Variants in BTG2 observed in about 807,000 individuals in gnomAD.
BTG2 encodes the protein BTG anti-proliferation factor 2.
A neutral mutation model predicts 13.1 loss-of-function variants in BTG2; 9 were observed. The observed-to-expected ratio is 0.69, with a 90% CI of 0.41 to 1.20. The LOEUF (loss-of-function observed/expected upper bound fraction) is 1.20, where lower values mean the gene tolerates loss of function less well. BTG2 is among the 50% of genes most tolerant of loss of function. The pLI, the probability that BTG2 is intolerant of heterozygous loss-of-function variation, is 0.00. For synonymous variants in BTG2, 92 were observed against 88.6 expected (o/e 1.04, Z -0.21); for missense variants, 200 against 209.5 (o/e 0.95, Z 0.28).
chr1:203,306,497 T>C (rs1405925503), intron 1 of BTG2, among the ~76,000 whole-genome samples: 1 of 152,138 alleles, frequency 6.6e-6, no homozygotes, highest in African/African-American at 2.4e-5. Context: ...CCCTGCCTTC[T>C]GAGGAAAACA....
intron 1 of BTG2, among the ~76,000 whole-genome samples, chr1:203,306,252 T>G (rs1411102912): frequency 6.6e-6 from 1 of 152,226 alleles, no homozygotes; most frequent in African/African-American, 2.4e-5. Flanking sequence ...TGGCTTCAAG[T>G]TGGAATTTGG....
At position 203,307,674 on chromosome 1, in the gene BTG2, A is replaced by AGT; in HGVS notation, c.*237_*238dup. The AGT allele has an allele frequency of 3.0e-6, 1 of 329,178 alleles. No homozygotes were observed. Among genetic ancestry groups the AGT allele is most frequent in the Non-Finnish European group, 5.4e-6 (1 of 184,614 alleles). The allele number at this position is 329,178 out of a possible 1,614,324, so 20.4% of individuals were successfully genotyped here. On this transcript the variant is annotated 3_prime_UTR_variant, in exon 2 of 2. Transcript: ENST00000290551. ...TTTGGAGAGAACTGTTGCGTGCTTG[A>AGT]GTCTGTGAGCCAGTGTCTGCCTATA...
In BTG2 at chr1:203,307,004, TTCTC is replaced by T. The variant is rs367760482; in HGVS notation, c.143-97_143-94del. ...CACCTCCCTTACTTAAAGGGCCCCT[TTCTC>T]TCCTCCTGTCCCTTGACCCTCCACC... On this transcript the variant is annotated intron_variant, in intron 1 of 1. Coordinates refer to ENST00000290551, the MANE Select transcript of BTG2 (RefSeq NM_006763.3). 1.3e-4 allele frequency: 133 copies of T among 1,036,022 alleles called. No individual in the cohort carries two copies. In the African/African-American group the frequency reaches 2.0e-3, roughly 16 times the overall value. 64.2% of individuals were successfully genotyped at this position (1,036,022 alleles called of 1,614,324 possible).
rs888907302 is a variant in BTG2 at position 203,308,074 on chromosome 1, A to T, written c.*636A>T. 1 of 152,086 alleles carries T rather than the reference A, an allele frequency of 6.6e-6. No homozygotes were observed. The highest frequency in any genetic ancestry group is 1.5e-5 in the Non-Finnish European group (1 of 68,012). The allele number at this position is 152,086 out of a possible 1,614,324, so 9.4% of individuals were successfully genotyped here. ...TAATTCTACCCTCAGGGGCCTGTAG[A>T]TGTTGCTTTCCAGCCAGGAATCTAA... On this transcript the variant is annotated 3_prime_UTR_variant, in exon 2 of 2. Transcript: ENST00000290551.
In BTG2 at chr1:203,305,825, G is replaced by A. The variant is rs559396603; in HGVS notation, c.142+77G>A. 2.7e-6 allele frequency: 4 copies of A among 1,487,974 alleles called. No individual in the cohort carries two copies. In the South Asian group the frequency reaches 3.8e-5, roughly 14 times the overall value. The allele number at this position is 1,487,974 out of a possible 1,614,324, so 92.2% of individuals were successfully genotyped here. On this transcript the variant is annotated intron_variant, in intron 1 of 1. Coordinates refer to ENST00000290551, the MANE Select transcript of BTG2 (RefSeq NM_006763.3). ...CCAGGGCCGTCTTTCTTCTACTCCT[G>A]CGGCAGGGTGACCCACGGGAGCAGC...
Position 203,307,528 on chromosome 1 carries a change from A to G in BTG2, c.*90A>G. On this transcript the variant is annotated 3_prime_UTR_variant, in exon 2 of 2. Transcript: ENST00000290551. ...CCTCAACCTGGGGAACTGTATTTTT[A>G]AATGAAGAGCTATTTATATATATTA... The G allele has an allele frequency of 9.6e-7, 1 of 1,046,714 alleles. No homozygotes were observed. Among genetic ancestry groups the G allele is most frequent in the Non-Finnish European group, 1.3e-6 (1 of 744,438 alleles). 64.8% of individuals were successfully genotyped at this position (1,046,714 alleles called of 1,614,324 possible). A position where few individuals can be genotyped will look rare whatever the true frequency, so the allele number is the denominator to read the frequency against.
At position 203,307,419 on chromosome 1, in the gene BTG2, T is replaced by G. The variant is rs775217801; in HGVS notation, c.458T>G (p.Val153Gly). The G allele has an allele frequency of 1.3e-6, 2 of 1,593,256 alleles. No individual in the cohort carries two copies. Among genetic ancestry groups the G allele is most frequent in the Non-Finnish European group, 1.7e-6 (2 of 1,165,404 alleles). The change falls in exon 2 of 2, where the codon GTG becomes GGG. Residue 153 changes from valine to glycine, a missense_variant. By Grantham distance (109) the Val-to-Gly change is moderately radical. Coordinates refer to ENST00000290551, the MANE Select transcript of BTG2 (RefSeq NM_006763.3). ...LGRSSPSKNYVMAVSS is the reference protein window; with the variant it reads ...LGRSSPSKNYGMAVSS ...CGGAGCAGCCCCTCCAAGAACTACG[T>G]GATGGCAGTCTCCAGCTAGGCCCTT...
Position 203,308,074 on chromosome 1 carries a change from AT to A in BTG2, c.*637del, listed in dbSNP as rs1006935143. The A allele has an allele frequency of 7.9e-5, 12 of 152,086 alleles. No homozygotes were observed. Among genetic ancestry groups the A allele is most frequent in the African/African-American group, 2.7e-4 (11 of 41,174 alleles). The allele number at this position is 152,086 out of a possible 1,614,324, so 9.4% of individuals were successfully genotyped here. A position where few individuals can be genotyped will look rare whatever the true frequency, so the allele number is the denominator to read the frequency against. On this transcript the variant is annotated 3_prime_UTR_variant, in exon 2 of 2. Transcript: ENST00000290551. ...TAATTCTACCCTCAGGGGCCTGTAG[AT>A]GTTGCTTTCCAGCCAGGAATCTAAA...
intron 1 of BTG2, among the ~76,000 whole-genome samples, chr1:203,306,167 C>T (rs537861054): frequency 6.6e-6 from 1 of 152,294 alleles, no homozygotes; most frequent in African/African-American, 2.4e-5. Context: ...GCCTTTTCAA[C>T]AATTTGGAGT....
chr1:203,306,033 C>A (rs572836640), intron 1 of BTG2, among the ~76,000 whole-genome samples: 1 of 152,202 alleles, frequency 6.6e-6, no homozygotes, highest in South Asian at 2.1e-4. Context: ...CCAGCTTATG[C>A]CCCTGTCTCA....
chr1:203,307,237 G>A lies in BTG2; in HGVS notation c.276G>A (p.Leu92=), dbSNP rs34095378. 6.4e-5 allele frequency: 103 copies of A among 1,614,250 alleles called. No individual in the cohort carries two copies. In the African/African-American group the frequency reaches 1.2e-3, roughly 19 times the overall value. Reference sequence around the variant, plus strand: ...AGATCGGACTCAGCCAGCCCCAGCTGCACCAGCTGCTGCCCAGCGAGCTGA... The same window carrying A: ...AGATCGGACTCAGCCAGCCCCAGCTACACCAGCTGCTGCCCAGCGAGCTGA... ...ASQIGLSQPQ[L]HQLLPSELTL... is the part of the protein sequence containing the mutation. Residue 92 remains leucine, a synonymous_variant, in exon 2 of 2, where the codon CTG becomes CTA. Transcript: ENST00000290551.
intron 1 of BTG2, among the ~76,000 whole-genome samples, 157 bp downstream of exon 1, chr1:203,305,905 T>A (rs1571500344): frequency 6.6e-6 from 1 of 152,150 alleles, no homozygotes; most frequent in Admixed American, 6.5e-5. Flanking sequence ...GTCCCCAGTT[T>A]CCTGGGTCCT....
intron 1 of BTG2, 44 bp downstream of exon 1, chr1:203,305,792 C>T: frequency 6.5e-7 from 1 of 1,527,244 alleles, no homozygotes; most frequent in Non-Finnish European, 8.8e-7. Flanking sequence ...GGGTCGGCCC[C>T]ATCCCTGCCA....
In BTG2 at chr1:203,309,237, A is replaced by G. The variant is rs1658337864; in HGVS notation, c.*1799A>G. 1 of 152,620 alleles carries G rather than the reference A, an allele frequency of 6.6e-6. No individual in the cohort carries two copies. Among genetic ancestry groups the G allele is most frequent in the Non-Finnish European group, 1.5e-5 (1 of 68,034 alleles). The allele number at this position is 152,620 out of a possible 1,614,324, so 9.5% of individuals were successfully genotyped here. On this transcript the variant is annotated 3_prime_UTR_variant, in exon 2 of 2. Coordinates refer to ENST00000290551, the MANE Select transcript of BTG2 (RefSeq NM_006763.3). ...TTCACTTTGGGCCCACAGACCCAAGAGCTAATTTTCTGGTTTGTGGGTTGA... is the reference window on the plus strand; with the variant it reads ...TTCACTTTGGGCCCACAGACCCAAGGGCTAATTTTCTGGTTTGTGGGTTGA...
chr1:203,305,879 C>A (rs1316641660), intron 1 of BTG2, 131 bp downstream of exon 1: 29 of 1,260,506 alleles, frequency 2.3e-5, no homozygotes, highest in Admixed American at 3.0e-5. Context: ...TCCTCCGACC[C>A]CCGGGGCGGC....
chr1:203,306,852 A>T (rs1355498529), intron 1 of BTG2, among the ~76,000 whole-genome samples: 5 of 33,826 alleles, frequency 1.5e-4, no homozygotes, highest in South Asian at 1.8e-3. Flanking sequence ...ACTCAGTCAC[A>T]CACACACACA....
intron 1 of BTG2, among the ~76,000 whole-genome samples, 164 bp downstream of exon 1, chr1:203,305,912 TC>T: frequency 6.6e-6 from 1 of 151,876 alleles, no homozygotes; most frequent in Admixed American, 6.5e-5. Context: ...GTTTCCTGGG[TC>T]CTCCTCCCCA....
intron 1 of BTG2, among the ~76,000 whole-genome samples, chr1:203,306,046 A>T (rs1658254840): frequency 6.6e-6 from 1 of 152,078 alleles, no homozygotes; most frequent in South Asian, 2.1e-4. Context: ...CTGTCTCATT[A>T]CGGGCTCGTC....
rs1038768161 is a variant in BTG2 at position 203,307,338 on chromosome 1, C to T, written c.377C>T (p.Ala126Val). Residue 126 changes from alanine to valine, a missense_variant, in exon 2 of 2, where the codon GCC (alanine) becomes GTC (valine). Physicochemically the swap from Ala to Val is moderately conservative, Grantham distance 64. Transcript: ENST00000290551. The part of the protein sequence containing the change: ...DGSICVLYEE[A>V]PLAASCGLLT... ...TCCATCTGCGTCTTGTACGAGGAGG[C>T]CCCACTGGCCGCCTCCTGTGGGCTC... 2 of 1,613,850 alleles carry T rather than the reference C, an allele frequency of 1.2e-6. No homozygotes were observed. The highest frequency in any genetic ancestry group is 3.3e-5 in the Admixed American group (2 of 60,026).
Sources: gnomAD v4.1 joint callset for allele counts (sites outside exome capture counted in the v4.1 genomes callset) on GRCh38, gnomAD v4.1.1 for gene constraint, MANE v1.5 for transcripts, NCBI Gene and HGNC (gene_info 2026-07-23, HGNC 2026-07-21) for gene names.